Variants in PREX2 observed in about 807,000 individuals in gnomAD.
PREX2 encodes phosphatidylinositol 3,4,5-trisphosphate-dependent Rac exchanger 2 protein.
PREX2 carries 107 observed loss-of-function variants against 203.2 expected under a neutral mutation model. That is an observed-to-expected ratio of 0.53 (90% CI 0.45 to 0.62). The LOEUF (loss-of-function observed/expected upper bound fraction) is 0.62, where lower values mean the gene tolerates loss of function less well. Among genes scored for constraint, PREX2 ranks in the 20% least tolerant of loss-of-function variants. The pLI, the probability that PREX2 is intolerant of heterozygous loss-of-function variation, is 0.00. For missense variants in PREX2, 1,777 were observed against 1,955.9 expected (o/e 0.91, Z 1.72); for synonymous variants, 672 against 663.6 (o/e 1.01, Z -0.19).
intron 1 of PREX2, among the ~76,000 whole-genome samples, chr8:67,959,674 T>G (rs1805580432): frequency 6.6e-6 from 1 of 152,094 alleles, no homozygotes; most frequent in Admixed American, 6.5e-5. Context: ...ATAGTAAAAC[T>G]AAGAATGGGC....
At chr8:68,061,575 G>A (rs189244160) in intron 11 of PREX2, among the ~76,000 whole-genome samples, 136 of 152,328 alleles carry the variant, frequency 8.9e-4, no homozygotes, top group Non-Finnish European at 1.5e-3. Flanking sequence ...TGCTGGCAAA[G>A]CTACAATACC....
intron 38 of PREX2, among the ~76,000 whole-genome samples, chr8:68,222,434 C>CA (rs111810920): frequency 0.083 from 6,348 of 76,934 alleles, 168 homozygotes; most frequent in Middle Eastern, 0.16. Flanking sequence ...ACAATTTTAG[C>CA]AAAAAAAAAA....
At chr8:68,143,793 A>G (rs764043413) in intron 33 of PREX2, among the ~76,000 whole-genome samples, 2 of 152,160 alleles carry the variant, frequency 1.3e-5, no homozygotes, top group Non-Finnish European at 2.9e-5. Flanking sequence ...TTTCTCTTAC[A>G]TAATCTGGCA....
At chr8:67,972,758 G>A (rs1470907435) in intron 1 of PREX2, among the ~76,000 whole-genome samples, 2 of 151,864 alleles carry the variant, frequency 1.3e-5, no homozygotes, top group East Asian at 3.9e-4. Flanking sequence ...ATCCCTTCCA[G>A]TAAGCTTATC....
chr8:68,000,383 C>G (rs1293234132), intron 1 of PREX2, among the ~76,000 whole-genome samples: 1 of 152,076 alleles, frequency 6.6e-6, no homozygotes, highest in Non-Finnish European at 1.5e-5. Context: ...AGGTATACAC[C>G]TACCCAGGGA....
intron 1 of PREX2, among the ~76,000 whole-genome samples, chr8:67,994,085 T>C (rs778570577): frequency 3.3e-5 from 5 of 152,240 alleles, no homozygotes; most frequent in Non-Finnish European, 5.9e-5. Flanking sequence ...ATAATAATTA[T>C]ATGTAACTTT....
At chr8:68,123,181 G>A (rs1810815245) in intron 30 of PREX2, among the ~76,000 whole-genome samples, 1 of 152,062 alleles carries the variant, frequency 6.6e-6, no homozygotes, top group Non-Finnish European at 1.5e-5. Context: ...ATAAATCTGG[G>A]AAATTAATGA....
At chr8:67,993,340 T>C (rs1256226862) in intron 1 of PREX2, among the ~76,000 whole-genome samples, 1 of 152,116 alleles carries the variant, frequency 6.6e-6, no homozygotes, top group African/African-American at 2.4e-5. Context: ...AATTCTAGTT[T>C]CTTTGAGAGA....
intron 35 of PREX2, among the ~76,000 whole-genome samples, chr8:68,188,247 C>T (rs1036755506): frequency 3.3e-5 from 5 of 152,008 alleles, no homozygotes; most frequent in African/African-American, 1.2e-4. Context: ...ATGTGTGATC[C>T]TGGGCACAAA....
At chr8:68,196,479 A>G (rs1812398322) in intron 37 of PREX2, among the ~76,000 whole-genome samples, 1 of 143,182 alleles carries the variant, frequency 7.0e-6, no homozygotes, top group Non-Finnish European at 1.5e-5. Flanking sequence ...ATATATGTAC[A>G]TATATATATA....
chr8:68,204,678 C>CTTTTTTTTTTTT (rs1192583427), intron 37 of PREX2, among the ~76,000 whole-genome samples: 108 of 83,402 alleles, frequency 1.3e-3, no homozygotes, highest in East Asian at 5.5e-3. Context: ...TTTCTTCTTT[C>CTTTTTTTTTTTT]TTTTTTTTTT....
At chr8:68,194,115 T>C (rs1350930330) in intron 37 of PREX2, among the ~76,000 whole-genome samples, 1 of 152,196 alleles carries the variant, frequency 6.6e-6, no homozygotes, top group Admixed American at 6.5e-5. Flanking sequence ...AATAATATCT[T>C]CCTTCTGATA....
Position 68,236,143 on chromosome 8 carries a change from T to C in PREX2, c.*4765T>C, listed in dbSNP as rs190699115. 35 of 152,170 alleles carry C rather than the reference T, an allele frequency of 2.3e-4. No homozygotes were observed. The highest frequency in any genetic ancestry group is 7.5e-4 in the African/African-American group (31 of 41,472). 9.4% of individuals were successfully genotyped at this position (152,170 alleles called of 1,614,324 possible). Reference sequence around the variant, plus strand: ...TGTAAGCATCAGAGCTGTCCAACCATGTGTAAATGTACCTGGTCTTTTGAT... The same window carrying C: ...TGTAAGCATCAGAGCTGTCCAACCACGTGTAAATGTACCTGGTCTTTTGAT... On this transcript the variant is annotated 3_prime_UTR_variant, in exon 40 of 40. Transcript: ENST00000288368.
chr8:68,120,156 T>C, intron 28 of PREX2, 40 bp from the exon 29 acceptor site: 1 of 1,289,266 alleles, frequency 7.8e-7, no homozygotes, highest in Non-Finnish European at 1.1e-6. Context: ...TATCATGTAC[T>C]ATGAGAAATA....
chr8:68,027,380 T>G (rs1807758272), intron 5 of PREX2, 57 bp downstream of exon 5: 1 of 1,104,006 alleles, frequency 9.1e-7, no homozygotes, highest in South Asian at 1.3e-5. Context: ...ATTTTGCTGA[T>G]GATCTTTTTA....
chr8:68,019,697 A>G (rs1585710661), intron 3 of PREX2, 26 bp downstream of exon 3: 2 of 1,591,502 alleles, frequency 1.3e-6, no homozygotes, highest in Non-Finnish European at 1.7e-6. Context: ...TTTTATTTTA[A>G]AAGTTCTTTT....
At chr8:68,055,206 T>TA (rs1465820849) in intron 9 of PREX2, among the ~76,000 whole-genome samples, 2 of 152,148 alleles carry the variant, frequency 1.3e-5, no homozygotes, top group Non-Finnish European at 2.9e-5. Context: ...GCATGCCCAA[T>TA]ACCTAAGGAA....
chr8:68,052,919 C>T (rs1184495138), intron 8 of PREX2, among the ~76,000 whole-genome samples, 178 bp from the exon 9 acceptor site: 1 of 152,094 alleles, frequency 6.6e-6, no homozygotes, highest in Non-Finnish European at 1.5e-5. Context: ...TGACAGCATC[C>T]AATATGAAAG....
chr8:68,065,781 A>G (rs1448070850), intron 11 of PREX2, among the ~76,000 whole-genome samples: 3 of 152,148 alleles, frequency 2.0e-5, no homozygotes, highest in Non-Finnish European at 4.4e-5. Flanking sequence ...AAACTCTTTG[A>G]CTTTTACTTT....
Sources: gnomAD v4.1 joint callset for allele counts (sites outside exome capture counted in the v4.1 genomes callset) on GRCh38, gnomAD v4.1.1 for gene constraint, MANE v1.5 for transcripts, NCBI Gene and HGNC (gene_info 2026-07-23, HGNC 2026-07-21) for gene names.